Variants in FAM13A observed in about 807,000 individuals in gnomAD.
FAM13A encodes protein FAM13A.
In FAM13A, 76 loss-of-function variants were observed where a neutral mutation model predicts 129.6. The observed-to-expected ratio is 0.59, with a 90% CI of 0.49 to 0.71. The LOEUF (loss-of-function observed/expected upper bound fraction) is 0.71. FAM13A is among the 30% of genes least tolerant of loss of function. The pLI is 0.00. For synonymous variants in FAM13A, 443 were observed against 449.9 expected (o/e 0.98, Z 0.20); for missense variants, 1,108 against 1,249.3 (o/e 0.89, Z 1.70).
At chr4:89,016,562 A>G (rs2149098517) in intron 3 of FAM13A, among the ~76,000 whole-genome samples, 1 of 152,328 alleles carries the variant, frequency 6.6e-6, no homozygotes, top group East Asian at 1.9e-4. Flanking sequence ...CATTCATGGT[A>G]AATGCCCTAT....
At chr4:88,853,620 CA>C (rs934688733) in intron 6 of FAM13A, among the ~76,000 whole-genome samples, 6 of 152,258 alleles carry the variant, frequency 3.9e-5, no homozygotes, top group African/African-American at 1.2e-4. Context: ...AGTTGTTTGA[CA>C]ACATTTCATG....
At chr4:88,732,921 T>C (rs951051462) in intron 21 of FAM13A, among the ~76,000 whole-genome samples, 1 of 151,814 alleles carries the variant, frequency 6.6e-6, no homozygotes, top group Non-Finnish European at 1.5e-5. Context: ...CAAATCAGCA[T>C]TTCTTAGAGC....
chr4:88,747,319 G>A (rs188795515), intron 18 of FAM13A, among the ~76,000 whole-genome samples: 133 of 152,218 alleles, frequency 8.7e-4, no homozygotes, highest in African/African-American at 3.1e-3. Context: ...CAATGACGAC[G>A]GTTATACGTT....
intron 6 of FAM13A, among the ~76,000 whole-genome samples, chr4:88,878,074 G>A (rs1049775590): frequency 1.3e-5 from 2 of 151,956 alleles, no homozygotes; most frequent in Admixed American, 1.3e-4. Context: ...CGGATCACGA[G>A]GTCAGGAAAT....
chr4:88,732,904 A>G (rs1738158066), intron 21 of FAM13A, among the ~76,000 whole-genome samples: 1 of 152,018 alleles, frequency 6.6e-6, no homozygotes, highest in African/African-American at 2.4e-5. Context: ...TAGAAAAATA[A>G]TAAAGCCAAA....
At chr4:88,794,530 C>A (rs1725777804) in intron 8 of FAM13A, among the ~76,000 whole-genome samples, 2 of 151,804 alleles carry the variant, frequency 1.3e-5, no homozygotes, top group South Asian at 4.1e-4. Flanking sequence ...AAAAAGCATA[C>A]ATTTAAAAAG....
chr4:89,056,634 A>C (rs1486642933), intron 1 of FAM13A, among the ~76,000 whole-genome samples: 1 of 152,200 alleles, frequency 6.6e-6, no homozygotes, highest in Admixed American at 6.6e-5. Context: ...ATGTTTAACT[A>C]TTCAGGGACA....
intron 19 of FAM13A, among the ~76,000 whole-genome samples, chr4:88,739,638 A>G (rs960807784): frequency 2.1e-5 from 3 of 143,660 alleles, no homozygotes; most frequent in Admixed American, 6.8e-5. Flanking sequence ...AAAAAAAAAA[A>G]TTAGCTGAGT....
At chr4:88,728,834 A>C (rs1386319249) in intron 23 of FAM13A, 175 bp from the exon 24 acceptor site, 2 of 624,822 alleles carry the variant, frequency 3.2e-6, no homozygotes, top group African/African-American at 3.7e-5. Flanking sequence ...AAGTAATGAA[A>C]ATGTTTCACC....
intron 5 of FAM13A, among the ~76,000 whole-genome samples, chr4:88,913,337 G>A (rs1364545468): frequency 6.8e-6 from 1 of 148,068 alleles, no homozygotes; most frequent in African/African-American, 2.5e-5. Context: ...GGAAGAAGAA[G>A]AAGAGGAAGA....
intron 4 of FAM13A, among the ~76,000 whole-genome samples, chr4:88,985,732 G>A (rs1436963073): frequency 6.6e-6 from 1 of 151,868 alleles, no homozygotes; most frequent in Non-Finnish European, 1.5e-5. Flanking sequence ...AAGTTTATTT[G>A]ATGTGGGATC....
intron 3 of FAM13A, among the ~76,000 whole-genome samples, chr4:89,017,338 A>G (rs1173141502): frequency 1.3e-5 from 2 of 152,210 alleles, no homozygotes; most frequent in Non-Finnish European, 2.9e-5. Context: ...GGCTGACTAT[A>G]CAATGAGTCT....
At chr4:88,767,668 T>C (rs768424887) in intron 12 of FAM13A, 73 bp from the exon 13 acceptor site, 9 of 1,202,966 alleles carry the variant, frequency 7.5e-6, no homozygotes, top group Middle Eastern at 2.0e-4. Flanking sequence ...TCCACTGATA[T>C]TATGATTTAA....
At chr4:88,898,911 C>T (rs1180772285) in intron 6 of FAM13A, among the ~76,000 whole-genome samples, 1 of 151,914 alleles carries the variant, frequency 6.6e-6, no homozygotes, top group East Asian at 1.9e-4. Flanking sequence ...CCAGTAATCC[C>T]ACTACTAGGT....
intron 15 of FAM13A, 58 bp downstream of exon 15, chr4:88,750,366 T>C (rs1388706120): frequency 7.2e-7 from 1 of 1,386,028 alleles, no homozygotes; most frequent in Non-Finnish European, 1.0e-6. Context: ...GTGCCATTCC[T>C]CTTTTCTGAT....
At chr4:88,879,047 T>C (rs1010223005) in intron 6 of FAM13A, among the ~76,000 whole-genome samples, 1 of 152,248 alleles carries the variant, frequency 6.6e-6, no homozygotes, top group African/African-American at 2.4e-5. Context: ...TTAGAATGAA[T>C]GTTGGGAATA....
At chr4:88,767,900 G>A (rs761275810) in intron 12 of FAM13A, 83 bp downstream of exon 12, 2 of 849,690 alleles carry the variant, frequency 2.4e-6, no homozygotes, top group African/African-American at 1.7e-5. Flanking sequence ...ATTCTTTTTA[G>A]TTCTTATAAT....
At chr4:88,770,779 A>G (rs1452663822) in intron 11 of FAM13A, among the ~76,000 whole-genome samples, 1 of 152,196 alleles carries the variant, frequency 6.6e-6, no homozygotes, top group Non-Finnish European at 1.5e-5. Context: ...AAAGCTTTGC[A>G]AAAAGCAGTT....
At chr4:88,830,261 G>A (rs147110446) in intron 7 of FAM13A, among the ~76,000 whole-genome samples, 69 of 152,270 alleles carry the variant, frequency 4.5e-4, no homozygotes, top group Middle Eastern at 3.4e-3. Flanking sequence ...AAAAACTAAT[G>A]TATGGAAATA....
Sources: gnomAD v4.1 joint callset for allele counts (sites outside exome capture counted in the v4.1 genomes callset) on GRCh38, gnomAD v4.1.1 for gene constraint, MANE v1.5 for transcripts, NCBI Gene and HGNC (gene_info 2026-07-23, HGNC 2026-07-21) for gene names.